The following NREP variants were observed in gnomAD, a reference collection of about 807,000 sequenced individuals.
The protein encoded by NREP is neuronal regeneration related protein.
Under a neutral mutation model 8.6 loss-of-function variants are expected in NREP, and 5 were observed. That is an observed-to-expected ratio of 0.58 (90% CI 0.30 to 1.22). The LOEUF (loss-of-function observed/expected upper bound fraction) is 1.22, where lower values mean the gene tolerates loss of function less well. Ranked by LOEUF, NREP falls within the 50% of genes most tolerant of loss-of-function variation. The pLI, the probability that NREP is intolerant of heterozygous loss-of-function variation, is 0.07. For missense variants in NREP, 86 were observed against 82.5 expected (o/e 1.04, Z -0.17); for synonymous variants, 27 against 28.0 (o/e 0.96, Z 0.11).
chr5:111,861,164 C>G (rs1486337817), intron 2 of NREP, among the ~76,000 whole-genome samples: 1 of 152,188 alleles, frequency 6.6e-6, no homozygotes, highest in Admixed American at 6.5e-5. Context: ...TCAGAGACCT[C>G]AGGTACAGAG....
chr5:111,935,656 G>A (rs1420556878), intron 2 of NREP, among the ~76,000 whole-genome samples: 2 of 152,042 alleles, frequency 1.3e-5, no homozygotes, highest in Non-Finnish European at 2.9e-5. Context: ...AACTGGTTTG[G>A]GATAAGATTA....
intron 2 of NREP, among the ~76,000 whole-genome samples, chr5:111,876,007 G>T (rs1296708813): frequency 3.9e-5 from 6 of 152,184 alleles, no homozygotes; most frequent in African/African-American, 1.4e-4. Flanking sequence ...ACTGGTTAGG[G>T]CCAGTTGTGC....
At chr5:111,788,560 C>T (rs1011834766) in intron 2 of NREP, among the ~76,000 whole-genome samples, 4 of 152,184 alleles carry the variant, frequency 2.6e-5, no homozygotes, top group African/African-American at 9.7e-5. Context: ...GTCTCACATG[C>T]ACCCAGAATT....
chr5:111,765,603 G>C (rs779486820), intron 2 of NREP, among the ~76,000 whole-genome samples: 2 of 152,216 alleles, frequency 1.3e-5, no homozygotes, highest in African/African-American at 4.8e-5. Flanking sequence ...TGTAAGCCGC[G>C]GAGCTGGGAT....
At chr5:111,843,331 G>A (rs1185779114) in intron 2 of NREP, among the ~76,000 whole-genome samples, 3 of 151,634 alleles carry the variant, frequency 2.0e-5, no homozygotes, top group Non-Finnish European at 4.4e-5. Flanking sequence ...GTTTACTGTG[G>A]AAGTATTTAA....
At chr5:111,827,617 G>C (rs1006785083) in intron 2 of NREP, among the ~76,000 whole-genome samples, 4 of 152,190 alleles carry the variant, frequency 2.6e-5, no homozygotes, top group African/African-American at 9.7e-5. Flanking sequence ...TGTGGTGGGT[G>C]GATCACTTGA....
intron 2 of NREP, among the ~76,000 whole-genome samples, chr5:111,864,569 T>C (rs921247909): frequency 1.5e-4 from 23 of 152,080 alleles, no homozygotes; most frequent in African/African-American, 5.3e-4. Context: ...TGGAGCGGGG[T>C]GAAGTAATCT....
At chr5:111,922,222 C>G (rs1167144488) in intron 2 of NREP, among the ~76,000 whole-genome samples, 1 of 152,020 alleles carries the variant, frequency 6.6e-6, no homozygotes, top group Non-Finnish European at 1.5e-5. Flanking sequence ...TTGATAATGT[C>G]ATTTTTTTCT....
At chr5:111,883,979 AG>A (rs1241634209) in intron 2 of NREP, among the ~76,000 whole-genome samples, 2 of 152,160 alleles carry the variant, frequency 1.3e-5, no homozygotes, top group East Asian at 3.9e-4. Context: ...ATATCAGAGC[AG>A]AACTGAAGGA....
At chr5:111,860,996 AAAT>A (rs1156934390) in intron 2 of NREP, among the ~76,000 whole-genome samples, 1 of 152,182 alleles carries the variant, frequency 6.6e-6, no homozygotes, top group Non-Finnish European at 1.5e-5. Flanking sequence ...ATGGCCAGGA[AAAT>A]AATCTTAAAA....
intron 1 of NREP, chr5:111,975,425 A>C (rs1470515960): frequency 7.5e-7 from 1 of 1,340,464 alleles, no homozygotes. Flanking sequence ...GACCCCCCTG[A>C]GTGCCACAAC....
upstream of NREP, chr5:111,758,188 G>T: frequency 1.0e-6 from 1 of 985,610 alleles, no homozygotes; most frequent in Non-Finnish European, 1.2e-6. Context: ...CGCCCCTGAA[G>T]GCCGGGCCCA....
chr5:111,944,415 C>G (rs1755918870), intron 2 of NREP, among the ~76,000 whole-genome samples: 1 of 152,022 alleles, frequency 6.6e-6, no homozygotes, highest in Non-Finnish European at 1.5e-5. Context: ...TCAGGCAATC[C>G]CTCCACCTAA....
chr5:111,910,867 G>A (rs1754893596), intron 2 of NREP, among the ~76,000 whole-genome samples: 1 of 152,044 alleles, frequency 6.6e-6, no homozygotes, highest in Non-Finnish European at 1.5e-5. Context: ...CTAGTTCATG[G>A]ATAGCTGCTA....
chr5:111,898,593 T>C (rs1281920594), intron 2 of NREP, among the ~76,000 whole-genome samples: 1 of 152,116 alleles, frequency 6.6e-6, no homozygotes, highest in African/African-American at 2.4e-5. Flanking sequence ...AATTTGGGGA[T>C]CAGCAAACTT....
chr5:111,751,498 G>A (rs1267016024), intron 2 of NREP, among the ~76,000 whole-genome samples: 1 of 152,022 alleles, frequency 6.6e-6, no homozygotes, highest in African/African-American at 2.4e-5. Flanking sequence ...AATATTCTTA[G>A]CAATCATAAT....
chr5:111,854,367 G>C (rs1418580895), intron 2 of NREP, among the ~76,000 whole-genome samples: 1 of 152,122 alleles, frequency 6.6e-6, no homozygotes, highest in African/African-American at 2.4e-5. Flanking sequence ...ACTTTGTAGG[G>C]TTTCACCTGC....
intron 2 of NREP, among the ~76,000 whole-genome samples, chr5:111,918,154 T>C (rs1012929692): frequency 7.2e-5 from 11 of 152,102 alleles, no homozygotes; most frequent in African/African-American, 2.7e-4. Context: ...TTACAAGGCA[T>C]GTGAAGGACC....
rs146200075 is a variant in NREP at position 111,793,866 on chromosome 5, G to A, written c.136-58359C>T. Among the ~76,000 whole-genome samples, 161 of 152,128 alleles carry A rather than the reference G, an allele frequency of 1.1e-3. 1 individual carries two copies. Among genetic ancestry groups the A allele is most frequent in the East Asian group, 6.8e-3 (35 of 5,162 alleles). ...TTGAAGCCAGGGGTTCAGGACTAGCGTGAGTAACAAAGCAAGCCCCTGTCT... is the reference window on the plus strand; with the variant it reads ...TTGAAGCCAGGGGTTCAGGACTAGCATGAGTAACAAAGCAAGCCCCTGTCT... On this transcript the variant is annotated intron_variant, in intron 2 of 3. Coordinates refer to the NREP transcript ENST00000395634.
Sources: allele counts gnomAD v4.1 joint callset (sites outside exome capture counted in the v4.1 genomes callset), GRCh38; gene constraint gnomAD v4.1.1; transcripts MANE v1.5; gene names NCBI Gene and HGNC (gene_info 2026-07-23, HGNC 2026-07-21).